FHOD3: variants seen among roughly 807,000 people sequenced by gnomAD.
FHOD3 encodes FH1/FH2 domain-containing protein 3.
In FHOD3, 90 loss-of-function variants were observed where a neutral mutation model predicts 173.0. That is an observed-to-expected ratio of 0.52 (90% confidence interval 0.44 to 0.62). FHOD3 has a LOEUF of 0.62. Ranked by LOEUF, FHOD3 falls within the 20% of genes least tolerant of loss-of-function variation. FHOD3 has a pLI of 0.00. For missense variants in FHOD3, 1,945 were observed against 2,034.7 expected (o/e 0.96, Z 0.85); for synonymous variants, 828 against 823.0 (o/e 1.01, Z -0.10).
chr18:36,388,075 T>C (rs1480936650), intron 3 of FHOD3, among the ~76,000 whole-genome samples: 1 of 152,018 alleles, frequency 6.6e-6, no homozygotes, highest in Non-Finnish European at 1.5e-5. Context: ...AGAAGCACTT[T>C]TGTGTGTCTT....
intron 3 of FHOD3, among the ~76,000 whole-genome samples, chr18:36,452,984 GTC>G (rs1568291082): frequency 6.6e-6 from 1 of 151,920 alleles, no homozygotes; most frequent in Non-Finnish European, 1.5e-5. Flanking sequence ...TGTTTACAAT[GTC>G]TACAATGTCT....
chr18:36,525,370 T>C (rs1340619195), intron 5 of FHOD3, among the ~76,000 whole-genome samples: 1 of 152,122 alleles, frequency 6.6e-6, no homozygotes, highest in Non-Finnish European at 1.5e-5. Flanking sequence ...AACAACCACA[T>C]GAGCTTGGAA....
At chr18:36,473,464 A>C (rs2053393410) in intron 3 of FHOD3, among the ~76,000 whole-genome samples, 1 of 152,152 alleles carries the variant, frequency 6.6e-6, no homozygotes, top group Non-Finnish European at 1.5e-5. Flanking sequence ...CAGAACCTAC[A>C]TTTGTCACCC....
chr18:36,573,303 C>T (rs1471768927), intron 5 of FHOD3, among the ~76,000 whole-genome samples: 1 of 152,020 alleles, frequency 6.6e-6, no homozygotes, highest in Non-Finnish European at 1.5e-5. Flanking sequence ...TCTTTGTATG[C>T]ATGAAGATTG....
intron 21 of FHOD3, among the ~76,000 whole-genome samples, chr18:36,741,304 G>A (rs754419436): frequency 3.4e-4 from 51 of 152,202 alleles, no homozygotes; most frequent in Non-Finnish European, 6.8e-4. Context: ...GAGAAAGCTT[G>A]AGGAGGCTCC....
rs1454056516 is a variant in FHOD3 at position 36,780,171 on chromosome 18, G to C, written c.*641G>C. The C allele has an allele frequency of 8.1e-7, 1 of 1,231,744 alleles. No individual in the cohort carries two copies. The highest frequency in any genetic ancestry group is 1.6e-5 in the African/African-American group (1 of 64,396). The allele number at this position is 1,231,744 out of a possible 1,614,324, so 76.3% of individuals were successfully genotyped here. A position where few individuals can be genotyped will look rare whatever the true frequency, so the allele number is the denominator to read the frequency against. On this transcript the variant is annotated 3_prime_UTR_variant, in exon 29 of 29. Transcript: ENST00000590592. ...CTCAGAAGCACCCTCGCTTGGAACGGCCTTCAGATCCTTTGGGCTGTATTT... is the reference window on the plus strand; with the variant it reads ...CTCAGAAGCACCCTCGCTTGGAACGCCCTTCAGATCCTTTGGGCTGTATTT...
chr18:36,543,013 G>A (rs1037074999), intron 5 of FHOD3, among the ~76,000 whole-genome samples: 4 of 152,128 alleles, frequency 2.6e-5, no homozygotes, highest in African/African-American at 9.7e-5. Context: ...AGGAAAGCAG[G>A]TTGCCTTCCA....
intron 3 of FHOD3, among the ~76,000 whole-genome samples, chr18:36,483,834 C>T (rs908009932): frequency 6.6e-6 from 1 of 152,194 alleles, no homozygotes; most frequent in African/African-American, 2.4e-5. Flanking sequence ...ATTAGAAGCA[C>T]ATGTAATAGC....
intron 5 of FHOD3, among the ~76,000 whole-genome samples, chr18:36,572,152 T>C (rs909818112): frequency 3.9e-5 from 6 of 152,174 alleles, no homozygotes; most frequent in African/African-American, 1.2e-4. Context: ...GATGAATAAA[T>C]ATACCTTGAG....
chr18:36,396,956 G>T (rs978547309), intron 3 of FHOD3, among the ~76,000 whole-genome samples: 17 of 151,800 alleles, frequency 1.1e-4, no homozygotes, highest in Admixed American at 1.1e-3. Flanking sequence ...GAGATTTCTT[G>T]TCTCTATTCT....
At chr18:36,734,318 G>A (rs572969950) in intron 20 of FHOD3, among the ~76,000 whole-genome samples, 1 of 152,196 alleles carries the variant, frequency 6.6e-6, no homozygotes, top group Non-Finnish European at 1.5e-5. Context: ...AGGCTGTCCT[G>A]TGCATTATAG....
intron 3 of FHOD3, among the ~76,000 whole-genome samples, chr18:36,429,735 G>A (rs989830799): frequency 1.3e-5 from 2 of 152,202 alleles, no homozygotes; most frequent in African/African-American, 4.8e-5. Flanking sequence ...ATGAAGCTGT[G>A]TGAAGACATG....
chr18:36,445,994 T>C (rs2051448937), intron 3 of FHOD3, among the ~76,000 whole-genome samples: 1 of 152,200 alleles, frequency 6.6e-6, no homozygotes, highest in Non-Finnish European at 1.5e-5. Flanking sequence ...AGGGCTTCCC[T>C]CCAGGTCTCC....
rs1286965144 is a variant in FHOD3 at position 36,425,907 on chromosome 18, T to C, written c.337+53163T>C. Among the ~76,000 whole-genome samples, 6 of 151,780 alleles carry C rather than the reference T, an allele frequency of 4.0e-5. No homozygotes were observed. The East Asian group carries it at 7.8e-4, about 20-fold the overall frequency. On this transcript the variant is annotated intron_variant, in intron 3 of 28. Transcript: ENST00000590592. ...TCACACACTATTTCTTTCTTTCTTT[T>C]TTTTTTTTTTCGAGACGAAATCTTG...
At chr18:36,575,124 C>A (rs1415130454) in intron 5 of FHOD3, among the ~76,000 whole-genome samples, 4 of 152,108 alleles carry the variant, frequency 2.6e-5, no homozygotes, top group Non-Finnish European at 5.9e-5. Context: ...GTGTGCACCA[C>A]CACACCCATC....
chr18:36,719,719 C>T (rs1335770527), intron 19 of FHOD3, among the ~76,000 whole-genome samples: 1 of 152,130 alleles, frequency 6.6e-6, no homozygotes, highest in African/African-American at 2.4e-5. Context: ...GTCAGGTTTC[C>T]AGCAATGCCA....
intron 5 of FHOD3, among the ~76,000 whole-genome samples, chr18:36,553,551 G>C (rs151176680): frequency 1.9e-3 from 292 of 152,268 alleles, no homozygotes; most frequent in African/African-American, 6.8e-3. Context: ...TCTTGGGAGG[G>C]TGTATGTGTC....
chr18:36,517,194 G>GT (rs527576608), intron 5 of FHOD3, among the ~76,000 whole-genome samples: 71 of 152,130 alleles, frequency 4.7e-4, no homozygotes, highest in Admixed American at 8.5e-4. Context: ...ATGATCTAAA[G>GT]TTTTTTTGGG....
intron 28 of FHOD3, among the ~76,000 whole-genome samples, chr18:36,769,666 A>G (rs1320549531): frequency 1.3e-5 from 2 of 152,148 alleles, no homozygotes; most frequent in Non-Finnish European, 2.9e-5. Context: ...GCCTCTCTCA[A>G]TTCATACTTT....
Sources: gnomAD v4.1 joint callset for allele counts (sites outside exome capture counted in the v4.1 genomes callset) on GRCh38, gnomAD v4.1.1 for gene constraint, MANE v1.5 for transcripts, NCBI Gene and HGNC (gene_info 2026-07-23, HGNC 2026-07-21) for gene names.